ZFHX3: variants seen among roughly 807,000 people sequenced by gnomAD.
The protein encoded by ZFHX3 is zinc finger homeobox 3.
A neutral mutation model predicts 279.1 loss-of-function variants in ZFHX3; 42 were observed. The observed-to-expected ratio is 0.15, with a 90% CI of 0.12 to 0.19. The LOEUF (loss-of-function observed/expected upper bound fraction) is 0.19, where lower values mean the gene tolerates loss of function less well. Ranked by LOEUF, ZFHX3 falls within the 10% of genes least tolerant of loss-of-function variation. The pLI, the probability that ZFHX3 is intolerant of heterozygous loss-of-function variation, is 1.00. For synonymous variants in ZFHX3, 2,293 were observed against 1,957.8 expected (o/e 1.17, Z -4.52); for missense variants, 4,981 against 4,754.0 (o/e 1.05, Z -1.40).
chr16:73,064,240 A>G (rs1486497822), upstream of ZFHX3, among the ~76,000 whole-genome samples: 2 of 152,084 alleles, frequency 1.3e-5, no homozygotes, highest in Non-Finnish European at 2.9e-5. Context: ...GTACACGGAC[A>G]GGGAGTGTGG....
rs751575363 is a variant in ZFHX3, at chr16:72,787,719, ACCG to A, written c.10554_10556del (p.Gly3527del). ...AGCCGCCGCCGCCGCCGCCGCCGCC[ACCG>A]CCGCCGCCGCCGCCACTGCCACCGC... On this transcript the variant is annotated inframe_deletion, in exon 10 of 10. Coordinates refer to ENST00000268489, the MANE Select transcript of ZFHX3 (RefSeq NM_006885.4). 27,079 of 1,292,178 alleles carry A rather than the reference ACCG, an allele frequency of 0.021. 3,232 individuals are homozygous for A. The Admixed American group carries it at 0.27, about 13-fold the overall frequency. 80.0% of individuals were successfully genotyped at this position (1,292,178 alleles called of 1,614,324 possible). A position where few individuals can be genotyped will look rare whatever the true frequency, so the allele number is the denominator to read the frequency against.
intron 3 of ZFHX3, among the ~76,000 whole-genome samples, chr16:72,918,708 T>TG (rs1344103427): frequency 6.6e-6 from 1 of 151,620 alleles, no homozygotes; most frequent in Non-Finnish European, 1.5e-5. Flanking sequence ...TTTTTTTTTT[T>TG]TTTTTTAAAT....
At chr16:73,721,009 C>A (rs551968677) in intron 1 of ZFHX3, among the ~76,000 whole-genome samples, 7 of 152,296 alleles carry the variant, frequency 4.6e-5, no homozygotes, top group African/African-American at 1.7e-4. Context: ...TTTATTTGGC[C>A]TCATAATATT....
chr16:73,324,617 A>T (rs1048165945), intron 3 of ZFHX3, among the ~76,000 whole-genome samples: 3 of 152,202 alleles, frequency 2.0e-5, no homozygotes, highest in African/African-American at 7.2e-5. Context: ...GGGATTTGAG[A>T]ATGGGTGTGG....
At chr16:73,830,615 T>A (rs191093655) in intron 1 of ZFHX3, among the ~76,000 whole-genome samples, 3 of 152,352 alleles carry the variant, frequency 2.0e-5, no homozygotes, top group Admixed American at 2.0e-4. Flanking sequence ...ATATCTGAGA[T>A]GCCCTGGCTC....
intron 4 of ZFHX3, among the ~76,000 whole-genome samples, chr16:72,851,265 G>A (rs1247817206): frequency 6.6e-6 from 1 of 152,076 alleles, no homozygotes; most frequent in East Asian, 1.9e-4. Context: ...CCTCCAAGGG[G>A]AGGCCAAGAC....
chr16:73,758,035 T>C (rs562809277), intron 1 of ZFHX3, among the ~76,000 whole-genome samples: 1 of 152,316 alleles, frequency 6.6e-6, no homozygotes, highest in East Asian at 1.9e-4. Flanking sequence ...CTCTCAGGAT[T>C]GGCAGACATT....
In ZFHX3 at chr16:73,703,145, A is replaced by G. The variant is rs2068248; in HGVS notation, c.-1607-22905T>C. ...TAAACATCAAACTAAACAGTAATGC[A>G]GAGGCTGCTTTCCTGCCTCTTTTGT... On this transcript the variant is annotated intron_variant, in intron 1 of 17. Coordinates refer to the ZFHX3 transcript ENST00000641206. Among the ~76,000 whole-genome samples, 565 of 152,328 alleles carry G rather than the reference A, an allele frequency of 3.7e-3. 2 individuals carry two copies. Among genetic ancestry groups the G allele is most frequent in the Non-Finnish European group, 6.1e-3 (417 of 68,038 alleles).
At chr16:73,043,056 G>A (rs1475714055) in intron 1 of ZFHX3, among the ~76,000 whole-genome samples, 1 of 152,054 alleles carries the variant, frequency 6.6e-6, no homozygotes, top group Non-Finnish European at 1.5e-5. Flanking sequence ...GAGTAGGGGT[G>A]GGAGTGCGGC....
intron 8 of ZFHX3, among the ~76,000 whole-genome samples, chr16:73,074,354 C>T (rs1185611656): frequency 6.6e-6 from 1 of 152,082 alleles, no homozygotes; most frequent in East Asian, 1.9e-4. Context: ...GTACGGAAAC[C>T]AAAATAATAG....
intron 5 of ZFHX3, chr16:73,231,939 G>A (rs1243346762): frequency 6.6e-6 from 1 of 151,986 alleles, no homozygotes; most frequent in Admixed American, 6.6e-5. Context: ...TCTTTTGGGC[G>A]ACACGATAAA....
At chr16:72,822,338 T>A (rs2036814356) in intron 5 of ZFHX3, among the ~76,000 whole-genome samples, 1 of 152,194 alleles carries the variant, frequency 6.6e-6, no homozygotes, top group African/African-American at 2.4e-5. Flanking sequence ...ATGTTACATG[T>A]TCTTTGGCTT....
At chr16:73,720,458 A>C (rs1353843513) in intron 1 of ZFHX3, among the ~76,000 whole-genome samples, 1 of 152,198 alleles carries the variant, frequency 6.6e-6, no homozygotes, top group African/African-American at 2.4e-5. Context: ...GGTGACATAA[A>C]ATTTGGTCCA....
At chr16:73,752,883 A>G (rs2053773784) in intron 1 of ZFHX3, among the ~76,000 whole-genome samples, 1 of 152,160 alleles carries the variant, frequency 6.6e-6, no homozygotes, top group East Asian at 1.9e-4. Flanking sequence ...GCCAGATAAC[A>G]TTTGCAGGTA....
chr16:73,595,271 G>A (rs540757260), intron 2 of ZFHX3, among the ~76,000 whole-genome samples: 1 of 151,960 alleles, frequency 6.6e-6, no homozygotes, highest in African/African-American at 2.4e-5. Context: ...CTCTTCTTCC[G>A]GGTCAGCACA....
chr16:73,587,959 C>T (rs2051944618), intron 2 of ZFHX3, among the ~76,000 whole-genome samples: 1 of 152,094 alleles, frequency 6.6e-6, no homozygotes, highest in Admixed American at 6.6e-5. Flanking sequence ...ATATTATTTT[C>T]AAGTACTTAT....
chr16:72,893,839 C>T (rs1417774558), intron 3 of ZFHX3, among the ~76,000 whole-genome samples: 1 of 152,076 alleles, frequency 6.6e-6, no homozygotes, highest in Non-Finnish European at 1.5e-5. Context: ...CAAGTTTATT[C>T]TCCAAAACAC....
At chr16:73,768,524 C>T (rs553460699) in intron 1 of ZFHX3, among the ~76,000 whole-genome samples, 1 of 152,308 alleles carries the variant, frequency 6.6e-6, no homozygotes, top group African/African-American at 2.4e-5. Flanking sequence ...TATTACCTCT[C>T]AATAGGAAAA....
intron 3 of ZFHX3, among the ~76,000 whole-genome samples, chr16:73,376,174 T>A (rs2016719620): frequency 6.6e-6 from 1 of 152,194 alleles, no homozygotes; most frequent in African/African-American, 2.4e-5. Flanking sequence ...GCTGCCTTTT[T>A]ATGTTAGATT....
Sources: gnomAD v4.1 joint callset for allele counts (sites outside exome capture counted in the v4.1 genomes callset) on GRCh38, gnomAD v4.1.1 for gene constraint, MANE v1.5 for transcripts, NCBI Gene and HGNC (gene_info 2026-07-23, HGNC 2026-07-21) for gene names.